Variants in KPNA7 observed in about 807,000 individuals in gnomAD.
KPNA7 encodes the protein importin subunit alpha-8.
Under a neutral mutation model 53.7 loss-of-function variants are expected in KPNA7, and 54 were observed. The observed-to-expected ratio is 1.01, with a 90% CI of 0.81 to 1.26. The LOEUF is 1.26. Ranked by LOEUF, KPNA7 falls within the 50% of genes most tolerant of loss-of-function variation. The pLI is 0.00. For missense variants in KPNA7, 640 were observed against 644.5 expected, an observed-to-expected ratio of 0.99 and a Z score of 0.07; for synonymous variants, 276 against 259.3, an observed-to-expected ratio of 1.06 and a Z score of -0.62.
At position 99,205,301 on chromosome 7, in the gene KPNA7, C is replaced by A. The variant is rs549654157; in HGVS notation, c.67-2061G>T. 3.9e-4 allele frequency among the ~76,000 whole-genome samples: 58 copies of A among 150,202 alleles called. 1 individual carries two copies. The South Asian group carries it at 8.4e-3, about 22-fold the overall frequency. The stretch of plus-strand genomic sequence containing the variant: ...AATTAGCCGGGCATGGTGGTACACA[C>A]CATGGTAGGCTGAGGCAGGAGAATT... On this transcript the variant is annotated intron_variant, in intron 2 of 10. Transcript: ENST00000327442.
chr7:99,196,057 C>T (rs972928339), intron 4 of KPNA7, 27 bp downstream of exon 4: 26 of 1,538,696 alleles, frequency 1.7e-5, no homozygotes, highest in Non-Finnish European at 2.2e-5. Context: ...TATGAACCTG[C>T]AACAGCAGAA....
intron 10 of KPNA7, among the ~76,000 whole-genome samples, chr7:99,176,253 G>A (rs540076894): frequency 6.3e-4 from 91 of 144,298 alleles, no homozygotes; most frequent in Admixed American, 1.1e-3. Flanking sequence ...AGCCAAGATC[G>A]CGCCACTGCA....
chr7:99,173,884 G>T, intron 10 of KPNA7, 90 bp from the exon 11 acceptor site: 1 of 769,664 alleles, frequency 1.3e-6, no homozygotes. Flanking sequence ...TAACAAAATT[G>T]ACCCTCTTAA....
the KPNA7 span, among the ~76,000 whole-genome samples, chr7:99,163,384 T>TATATATATATATATATATA: frequency 2.4e-4 from 10 of 42,232 alleles, no homozygotes; most frequent in Non-Finnish European, 3.0e-4. Context: ...TATATATATA[T>TATATATATATATATATATA]TTTTTTTTTT....
At position 99,174,262 on chromosome 7, in the gene KPNA7, CTGA is replaced by C. The variant is rs1469673191; in HGVS notation, c.1465-471_1465-469del. 4.0e-5 allele frequency among the ~76,000 whole-genome samples: 6 copies of C among 151,260 alleles called. No individual in the cohort carries two copies. The East Asian group carries it at 1.2e-3, about 29-fold the overall frequency. ...CATGCTCCTTATGAGAATCTAGTGC[CTGA>C]TGATCTGTCAACTGTCTCCCATCAC... On this transcript the variant is annotated intron_variant, in intron 10 of 10. Coordinates refer to ENST00000327442, the MANE Select transcript of KPNA7 (RefSeq NM_001145715.3).
the KPNA7 span, among the ~76,000 whole-genome samples, chr7:99,158,012 T>A: frequency 6.6e-6 from 1 of 151,826 alleles, no homozygotes; most frequent in South Asian, 2.1e-4. Flanking sequence ...CCTGGCCTCC[T>A]GAGTAGCTGG....
intron 10 of KPNA7, among the ~76,000 whole-genome samples, chr7:99,176,289 C>A (rs1356060075): frequency 3.9e-5 from 4 of 101,824 alleles, no homozygotes; most frequent in African/African-American, 1.2e-4. Context: ...CTGAGCGAGA[C>A]TACGTCTCAA....
chr7:99,189,291 A>G (rs1789812777), intron 6 of KPNA7, among the ~76,000 whole-genome samples: 1 of 151,692 alleles, frequency 6.6e-6, no homozygotes, highest in African/African-American at 2.4e-5. Flanking sequence ...GCCTTTTATT[A>G]TTAGTTTTAG....
the KPNA7 span, among the ~76,000 whole-genome samples, chr7:99,167,718 T>A: frequency 6.9e-5 from 9 of 130,544 alleles, no homozygotes; most frequent in African/African-American, 2.3e-4. Context: ...TGACCTCAGG[T>A]GATCCGCCCA....
the KPNA7 span, among the ~76,000 whole-genome samples, chr7:99,145,991 T>C: frequency 1.3e-5 from 2 of 152,192 alleles, no homozygotes; most frequent in Admixed American, 6.5e-5. Context: ...AATCCAGCTG[T>C]TTCCATTTGT....
chr7:99,215,369 CAAAAAAAAAAAA>C (rs533680824), intron 1 of KPNA7, among the ~76,000 whole-genome samples: 12 of 52,074 alleles, frequency 2.3e-4, no homozygotes, highest in South Asian at 1.3e-3. Flanking sequence ...GAGACTGTCT[CAAAAAAAAAAAA>C]AAAAAAAAAA....
chr7:99,181,766 A>G, intron 9 of KPNA7, 117 bp downstream of exon 9: 1 of 873,490 alleles, frequency 1.1e-6, no homozygotes, highest in Non-Finnish European at 1.7e-6. Flanking sequence ...TCCTGACCTC[A>G]GGTGATCCAC....
chr7:99,204,352 A>G (rs1056946216), intron 2 of KPNA7, among the ~76,000 whole-genome samples: 16 of 151,640 alleles, frequency 1.1e-4, no homozygotes, highest in Admixed American at 3.3e-4. Flanking sequence ...AGCCTGGGCA[A>G]TAGAGCAAGA....
intron 9 of KPNA7, among the ~76,000 whole-genome samples, chr7:99,180,603 CTGTCTCTCTCCCCA>C (rs1376488602): frequency 6.9e-6 from 1 of 145,258 alleles, no homozygotes; most frequent in African/African-American, 2.6e-5. Flanking sequence ...CTCTCCGTCT[CTGTCTCTCTCCCCA>C]TCTCTCTCTC....
At chr7:99,172,244 A>G (rs1798783413), downstream of KPNA7, among the ~76,000 whole-genome samples, 1 of 152,212 alleles carries the variant, frequency 6.6e-6, no homozygotes, top group Non-Finnish European at 1.5e-5. Flanking sequence ...TAGAATTACA[A>G]AAGCATAGAC....
intron 10 of KPNA7, 53 bp from the exon 11 acceptor site, chr7:99,173,847 A>C (rs1466266874): frequency 9.1e-7 from 1 of 1,100,762 alleles, no homozygotes; most frequent in Non-Finnish European, 1.3e-6. Context: ...GCACATTATC[A>C]CTGCACATTT....
the KPNA7 span, among the ~76,000 whole-genome samples, chr7:99,151,482 T>C: frequency 2.0e-5 from 3 of 151,866 alleles, no homozygotes; most frequent in East Asian, 1.9e-4. Flanking sequence ...ACAGGGTCTT[T>C]CCCTGTTGCC....
downstream of KPNA7, among the ~76,000 whole-genome samples, chr7:99,172,615 CTCTT>C (rs1265667414): frequency 6.6e-6 from 1 of 152,112 alleles, no homozygotes; most frequent in Non-Finnish European, 1.5e-5. Context: ...CACACGCACT[CTCTT>C]TCTTTCTAGG....
chr7:99,165,930 A>T, the KPNA7 span, among the ~76,000 whole-genome samples: 1 of 152,158 alleles, frequency 6.6e-6, no homozygotes, highest in African/African-American at 2.4e-5. Flanking sequence ...TGATTGGATC[A>T]TGGAGGCAGA....
Sources: gnomAD v4.1 joint callset for allele counts (sites outside exome capture counted in the v4.1 genomes callset) on GRCh38, gnomAD v4.1.1 for gene constraint, MANE v1.5 for transcripts, NCBI Gene and HGNC (gene_info 2026-07-23, HGNC 2026-07-21) for gene names.